KSR1: variants seen among roughly 807,000 people sequenced by gnomAD.
KSR1 encodes the protein kinase suppressor of ras.
In KSR1, 35 loss-of-function variants were observed where a neutral mutation model predicts 92.9. The ratio of observed to expected loss-of-function variants is 0.38; its 90% CI spans 0.29 to 0.50. The LOEUF (loss-of-function observed/expected upper bound fraction) is 0.50, where lower values mean the gene tolerates loss of function less well. Among genes scored for constraint, KSR1 ranks in the 20% least tolerant of loss-of-function variants. The pLI is 0.94. For synonymous variants in KSR1, 467 were observed against 472.6 expected, an observed-to-expected ratio of 0.99 and a Z score of 0.15; for missense variants, 972 against 1,158.5, an observed-to-expected ratio of 0.84 and a Z score of 2.34.
chr17:27,529,854 C>T (rs1028239849), intron 1 of KSR1, among the ~76,000 whole-genome samples: 4 of 152,212 alleles, frequency 2.6e-5, no homozygotes, highest in Non-Finnish European at 4.4e-5. Context: ...CTGTGTGTAT[C>T]TGAAAACCCT....
chr17:27,599,754 TAACTTGG>T (rs1457276624), intron 10 of KSR1, among the ~76,000 whole-genome samples: 1 of 152,264 alleles, frequency 6.6e-6, no homozygotes, highest in Non-Finnish European at 1.5e-5. Context: ...ACATTTTTTT[TAACTTGG>T]ACTCTTTTGT....
At chr17:27,533,651 G>C (rs905588641) in intron 1 of KSR1, among the ~76,000 whole-genome samples, 3 of 152,054 alleles carry the variant, frequency 2.0e-5, no homozygotes, top group African/African-American at 7.2e-5. Flanking sequence ...CAAAGTGTTG[G>C]GATTACAGGT....
At chr17:27,501,292 C>CTTTTTTTTTTTTTTTTTTTTTTTT in intron 1 of KSR1, among the ~76,000 whole-genome samples, 2 of 49,704 alleles carry the variant, frequency 4.0e-5, no homozygotes, top group African/African-American at 8.2e-5. Flanking sequence ...TTCTTTTCTT[C>CTTTTTTTTTTTTTTTTTTTTTTTT]TTTTTTTTTT....
At chr17:27,585,789 G>C in intron 5 of KSR1, 128 bp downstream of exon 5, 2 of 711,936 alleles carry the variant, frequency 2.8e-6, no homozygotes. Context: ...CAGAAGCAGA[G>C]GTGCTGGTGA....
chr17:27,562,508 T>A (rs898023146), intron 2 of KSR1, among the ~76,000 whole-genome samples: 2 of 152,184 alleles, frequency 1.3e-5, no homozygotes, highest in African/African-American at 4.8e-5. Context: ...ACTGTGTGCC[T>A]ATAGCCCTGC....
intron 1 of KSR1, among the ~76,000 whole-genome samples, chr17:27,485,413 T>C (rs913568847): frequency 8.6e-5 from 13 of 151,932 alleles, no homozygotes; most frequent in Admixed American, 3.9e-4. Flanking sequence ...ATGGGTGGGG[T>C]TGGGAGTCTG....
At chr17:27,488,899 G>A (rs1306111271) in intron 1 of KSR1, among the ~76,000 whole-genome samples, 1 of 152,248 alleles carries the variant, frequency 6.6e-6, no homozygotes, top group African/African-American at 2.4e-5. Flanking sequence ...GGGAGGCGGA[G>A]GTTGCAGTAA....
intron 19 of KSR1, among the ~76,000 whole-genome samples, chr17:27,618,096 A>G (rs954159906): frequency 5.3e-5 from 8 of 152,160 alleles, no homozygotes; most frequent in African/African-American, 1.9e-4. Context: ...GTGATGTGGT[A>G]TTATAAGCTT....
chr17:27,620,335 C>T (rs9912493), intron 19 of KSR1, among the ~76,000 whole-genome samples: 1,841 of 152,280 alleles, frequency 0.012, 32 homozygotes, highest in African/African-American at 0.041. Flanking sequence ...ACACAGATGG[C>T]CGAGGCCAGG....
intron 13 of KSR1, 150 bp downstream of exon 13, chr17:27,604,878 G>C (rs909044354): frequency 3.9e-5 from 29 of 747,600 alleles, no homozygotes; most frequent in Non-Finnish European, 6.3e-5. Flanking sequence ...TGTCAGGGAA[G>C]AACGATGAGG....
At chr17:27,526,094 T>TC (rs2070282517) in intron 1 of KSR1, among the ~76,000 whole-genome samples, 11 of 118,402 alleles carry the variant, frequency 9.3e-5, no homozygotes, top group Admixed American at 3.7e-4. Context: ...CTTTCTTTCT[T>TC]TCTCTCTCTC....
chr17:27,566,281 C>T (rs1438780427), intron 2 of KSR1: 10 of 390,574 alleles, frequency 2.6e-5, no homozygotes, highest in Non-Finnish European at 4.1e-5. Flanking sequence ...CCACCCAGCA[C>T]CTGCCCCGGG....
intron 2 of KSR1, among the ~76,000 whole-genome samples, chr17:27,567,840 G>C (rs971678513): frequency 3.3e-5 from 5 of 152,218 alleles, no homozygotes; most frequent in Non-Finnish European, 1.5e-5. Flanking sequence ...TGGCACCATT[G>C]TTTGGGGTGA....
chr17:27,530,474 G>T, intron 1 of KSR1, among the ~76,000 whole-genome samples: 1 of 152,146 alleles, frequency 6.6e-6, no homozygotes, highest in African/African-American at 2.4e-5. Context: ...CAGCAGGGCA[G>T]ATGGAGTAAC....
chr17:27,487,632 G>T (rs541571677), intron 1 of KSR1, among the ~76,000 whole-genome samples: 19 of 151,326 alleles, frequency 1.3e-4, no homozygotes, highest in Admixed American at 1.1e-3. Context: ...TCTGCAGGCT[G>T]TACAAGCATG....
chr17:27,525,348 G>A (rs1350729631), intron 1 of KSR1, among the ~76,000 whole-genome samples: 1 of 152,212 alleles, frequency 6.6e-6, no homozygotes, highest in Non-Finnish European at 1.5e-5. Context: ...CAGAGGATGG[G>A]ATGCACTCTT....
At chr17:27,515,443 A>G (rs953544097) in intron 1 of KSR1, among the ~76,000 whole-genome samples, 1 of 152,170 alleles carries the variant, frequency 6.6e-6, no homozygotes, top group Non-Finnish European at 1.5e-5. Flanking sequence ...TACACGCCGC[A>G]TGACTGTAGT....
chr17:27,544,395 G>A (rs2071085006), intron 1 of KSR1, among the ~76,000 whole-genome samples: 1 of 152,228 alleles, frequency 6.6e-6, no homozygotes, highest in South Asian at 2.1e-4. Context: ...GCTGAGCCAA[G>A]GGGGATTTCC....
chr17:27,475,592 G>A (rs899058567), intron 1 of KSR1, among the ~76,000 whole-genome samples: 1 of 152,108 alleles, frequency 6.6e-6, no homozygotes, highest in Non-Finnish European at 1.5e-5. Context: ...GCACCTGCCC[G>A]GTATTACTCT....
Sources: gnomAD v4.1 joint callset for allele counts (sites outside exome capture counted in the v4.1 genomes callset) on GRCh38, gnomAD v4.1.1 for gene constraint, MANE v1.5 for transcripts, NCBI Gene and HGNC (gene_info 2026-07-23, HGNC 2026-07-21) for gene names.